PABPC1L: variants seen among roughly 807,000 people sequenced by gnomAD.
PABPC1L encodes poly(A) binding protein cytoplasmic 1 like, also known as polyadenylate-binding protein 1-like.
Under a neutral mutation model 66.6 loss-of-function variants are expected in PABPC1L, and 31 were observed. The ratio of observed to expected loss-of-function variants is 0.47; its 90% confidence interval spans 0.35 to 0.63. The LOEUF (loss-of-function observed/expected upper bound fraction) is 0.63, where lower values mean the gene tolerates loss of function less well. PABPC1L is among the 20% of genes least tolerant of loss of function. PABPC1L has a pLI of 0.00. For synonymous variants in PABPC1L, 348 were observed against 335.1 expected, an observed-to-expected ratio of 1.04 and a Z score of -0.42; for missense variants, 722 against 848.8, an observed-to-expected ratio of 0.85 and a Z score of 1.86.
intron 4 of PABPC1L, 22 bp downstream of exon 4, chr20:44,919,067 C>G (rs780098998): frequency 1.9e-6 from 3 of 1,609,984 alleles, no homozygotes; most frequent in Admixed American, 3.3e-5. Flanking sequence ...CCCAAGGGAG[C>G]GGGGGGATCA....
chr20:44,920,005 G>A (rs1245209372), intron 5 of PABPC1L, among the ~76,000 whole-genome samples: 1 of 152,108 alleles, frequency 6.6e-6, no homozygotes, highest in East Asian at 1.9e-4. Context: ...TTTTTTCAGT[G>A]TAGTTTTAAG....
intron 2 of PABPC1L, among the ~76,000 whole-genome samples, chr20:44,915,121 GA>G (rs1402876183): frequency 6.6e-6 from 1 of 152,216 alleles, no homozygotes; most frequent in South Asian, 2.1e-4. Flanking sequence ...CATGGGTTTG[GA>G]AGCAAGATCT....
intron 1 of PABPC1L, 64 bp from the exon 2 acceptor site, chr20:44,912,596 G>A: frequency 7.1e-7 from 1 of 1,410,324 alleles, no homozygotes; most frequent in Non-Finnish European, 9.8e-7. Flanking sequence ...ACCTCGAGGG[G>A]TGGGTGATCA....
intron 8 of PABPC1L, among the ~76,000 whole-genome samples, chr20:44,931,056 T>G (rs1601121418): frequency 1.1e-4 from 1 of 9,340 alleles, no homozygotes; most frequent in Non-Finnish European, 2.6e-4. Context: ...TTCCCTTCCC[T>G]TCCCTTCCCT....
At chr20:44,916,899 G>GGAGGCTGCAGGGACA (rs779745968) in intron 3 of PABPC1L, 28 bp downstream of exon 3, 1 of 1,597,582 alleles carries the variant, frequency 6.3e-7, no homozygotes, top group South Asian at 1.1e-5. Flanking sequence ...AGGGAGGGGC[G>GGAGGCTGCAGGGACA]GAGGCTGCAG....
intron 2 of PABPC1L, among the ~76,000 whole-genome samples, chr20:44,915,519 G>A (rs1292522236): frequency 3.3e-5 from 5 of 151,906 alleles, no homozygotes; most frequent in Non-Finnish European, 2.9e-5. Context: ...AAATTGAGGC[G>A]GGGTGCAGTG....
At chr20:44,928,887 A>AG (rs2066830199) in intron 7 of PABPC1L, among the ~76,000 whole-genome samples, 4 of 135,048 alleles carry the variant, frequency 3.0e-5, no homozygotes, top group African/African-American at 1.1e-4. Flanking sequence ...AAAAAAAAAG[A>AG]AAAAAAAAAA....
At chr20:44,910,686 A>G (rs1170005316) in intron 1 of PABPC1L, among the ~76,000 whole-genome samples, 1 of 152,148 alleles carries the variant, frequency 6.6e-6, no homozygotes, top group Non-Finnish European at 1.5e-5. Flanking sequence ...GCGTGTCTGG[A>G]AAATGGGGGT....
At chr20:44,929,041 G>C (rs1362251004) in intron 7 of PABPC1L, among the ~76,000 whole-genome samples, 2 of 151,894 alleles carry the variant, frequency 1.3e-5, no homozygotes, top group Non-Finnish European at 2.9e-5. Context: ...GGGAGACCTA[G>C]GTAGGAGGAT....
intron 7 of PABPC1L, among the ~76,000 whole-genome samples, chr20:44,926,624 A>G (rs758606978): frequency 2.0e-5 from 3 of 151,434 alleles, no homozygotes; most frequent in Non-Finnish European, 2.9e-5. Flanking sequence ...TTGGCTCACT[A>G]CAACTTCTGC....
At chr20:44,914,715 C>G (rs2066727216) in intron 2 of PABPC1L, among the ~76,000 whole-genome samples, 1 of 152,122 alleles carries the variant, frequency 6.6e-6, no homozygotes, top group Non-Finnish European at 1.5e-5. Flanking sequence ...AAGAAAGACT[C>G]TTAACTGTGT....
intron 8 of PABPC1L, 106 bp from the exon 9 acceptor site, chr20:44,932,236 C>T (rs1289656473): frequency 5.2e-6 from 4 of 776,090 alleles, no homozygotes; most frequent in African/African-American, 3.5e-5. Context: ...CTCACCAGTC[C>T]CTGCAGGAGC....
Position 44,912,811 on chromosome 20 carries a change from A to G in PABPC1L, c.345A>G (p.Leu115=). 2 of 1,614,194 alleles carry G rather than the reference A, an allele frequency of 1.2e-6. No individual in the cohort carries two copies. The highest frequency in any genetic ancestry group is 1.3e-5 in the African/African-American group (1 of 75,056). The part of the protein sequence containing the change: ...NLEDSIDNKA[L]YDTFSTFGNI... Reference sequence around the variant, plus strand: ...AGGACTCCATTGACAACAAGGCTTTATATGATACCTTCTCCACCTTTGGGA... The same window carrying G: ...AGGACTCCATTGACAACAAGGCTTTGTATGATACCTTCTCCACCTTTGGGA... The change falls in exon 2 of 15, where the codon TTA becomes TTG. Residue 115 remains leucine, a synonymous_variant. Transcript: ENST00000217073.
At chr20:44,932,206 T>G in intron 8 of PABPC1L, 136 bp from the exon 9 acceptor site, 1 of 529,380 alleles carries the variant, frequency 1.9e-6, no homozygotes, top group Non-Finnish European at 3.3e-6. Context: ...GAGCTTTCAT[T>G]ACAGCCTTGT....
At position 44,927,903 on chromosome 20, in the gene PABPC1L, A is replaced by G. The variant is rs548052640; in HGVS notation, c.973-2557A>G. 3.9e-5 allele frequency among the ~76,000 whole-genome samples: 6 copies of G among 152,062 alleles called. No individual in the cohort carries two copies. In the South Asian group the frequency reaches 1.0e-3, roughly 26 times the overall value. The stretch of plus-strand genomic sequence containing the variant: ...GGTCTCAAACCCCTGGGCTCAAGCA[A>G]TTCTTCCGCCTCTGCTTCCCAAAAA... On this transcript the variant is annotated intron_variant, in intron 7 of 14. Transcript: ENST00000217073.
At chr20:44,934,762 A>G (rs1034982764) in intron 10 of PABPC1L, among the ~76,000 whole-genome samples, 1 of 152,180 alleles carries the variant, frequency 6.6e-6, no homozygotes, top group Non-Finnish European at 1.5e-5. Context: ...TATTGTGAAT[A>G]ATGCTGCTGT....
intron 8 of PABPC1L, 88 bp from the exon 9 acceptor site, chr20:44,932,254 G>A: frequency 9.6e-7 from 1 of 1,037,846 alleles, no homozygotes. Flanking sequence ...AGCCAGTGGA[G>A]TTCCTGCCAT....
chr20:44,936,646 C>A lies in PABPC1L; in HGVS notation c.1576C>A (p.Pro526Thr), dbSNP rs964953313. ...AAHSTYRVQE[P>T]AVHIPGQEPL... ...CCCCGGCACCATGCAGGTCCAGGAGCCGGCTGTGCACATCCCAGGACAGGA... is the reference window on the plus strand; with the variant it reads ...CCCCGGCACCATGCAGGTCCAGGAGACGGCTGTGCACATCCCAGGACAGGA... Residue 526 changes from proline (P) to threonine (T), a missense_variant, in exon 12 of 15, where the codon CCG (proline) becomes ACG (threonine). Pro to Thr is a conservative substitution (Grantham distance 38, BLOSUM62 -1). Transcript: ENST00000217073. The A allele has an allele frequency of 3.8e-6, 6 of 1,595,852 alleles. No homozygotes were observed. The highest frequency in any genetic ancestry group is 5.1e-6 in the Non-Finnish European group (6 of 1,172,378).
intron 8 of PABPC1L, chr20:44,932,026 G>T (rs148249424): frequency 1.6e-4 from 32 of 202,292 alleles, no homozygotes; most frequent in African/African-American, 6.9e-4. Context: ...AGGCCACCAC[G>T]GTAAGAACAT....
Sources: allele counts gnomAD v4.1 joint callset (sites outside exome capture counted in the v4.1 genomes callset), GRCh38; gene constraint gnomAD v4.1.1; transcripts MANE v1.5; gene names NCBI Gene and HGNC (gene_info 2026-07-23, HGNC 2026-07-21).